Variants in PCNX1 observed in about 807,000 individuals in gnomAD.
PCNX1 encodes pecanex 1, also known as pecanex-like protein 1.
In PCNX1, 78 loss-of-function variants were observed where a neutral mutation model predicts 242.2. The observed-to-expected ratio is 0.32, with a 90% CI of 0.27 to 0.39. The LOEUF is 0.39. PCNX1 is among the 10% of genes least tolerant of loss of function. PCNX1 has a pLI of 1.00. For missense variants in PCNX1, 2,581 were observed against 2,856.5 expected (o/e 0.90, Z 2.20); for synonymous variants, 1,024 against 1,032.9 (o/e 0.99, Z 0.17).
chr14:70,944,885 GC>G (rs2057398035), intron 1 of PCNX1, among the ~76,000 whole-genome samples: 1 of 152,200 alleles, frequency 6.6e-6, no homozygotes, highest in South Asian at 2.1e-4. Context: ...CTCTCCTGCT[GC>G]CCTGTGAAGC....
At chr14:71,090,741 T>A (rs905375444) in intron 30 of PCNX1, among the ~76,000 whole-genome samples, 3 of 152,230 alleles carry the variant, frequency 2.0e-5, no homozygotes, top group Non-Finnish European at 4.4e-5. Flanking sequence ...CTCTTTCATA[T>A]AGCATAATTT....
chr14:71,003,239 G>A (rs914936016), intron 8 of PCNX1, among the ~76,000 whole-genome samples: 9 of 151,574 alleles, frequency 5.9e-5, no homozygotes, highest in African/African-American at 1.7e-4. Context: ...GCGTGCCACC[G>A]TGCCCAGCTA....
chr14:70,966,870 G>A (rs536676991), intron 3 of PCNX1, among the ~76,000 whole-genome samples: 4 of 152,100 alleles, frequency 2.6e-5, no homozygotes, highest in South Asian at 2.1e-4. Context: ...AACTTATGTA[G>A]CAGGTGTTGT....
At chr14:71,041,331 G>A in intron 19 of PCNX1, among the ~76,000 whole-genome samples, 1 of 151,988 alleles carries the variant, frequency 6.6e-6, no homozygotes, top group East Asian at 1.9e-4. Context: ...TCTGGTCCTG[G>A]GCTTTTCTTT....
Position 71,011,533 on chromosome 14 carries a change from T to A in PCNX1, c.2762T>A (p.Phe921Tyr), listed in dbSNP as rs2059821069. The A allele has an allele frequency of 6.4e-7, 1 of 1,560,426 alleles. No individual in the cohort carries two copies. Among genetic ancestry groups the A allele is most frequent in the South Asian group, 1.1e-5 (1 of 88,896 alleles). ...SHVSSSTSVR[F>Y]YPHDVLSLPQ... ...GTATCCAGTTCTACCTCAGTTCGAT[T>A]TTATCCACATGATGTGGTAGGTTTT... The change falls in exon 10 of 36, where the codon TTT (phenylalanine) becomes TAT (tyrosine). Residue 921 changes from phenylalanine (F) to tyrosine (Y), a missense_variant. Transcript: ENST00000304743.
rs1396282744 is a variant in PCNX1, at chr14:71,112,276, C to G, written c.*2341C>G. The G allele has an allele frequency of 6.6e-6, 1 of 151,996 alleles. No homozygotes were observed. Among genetic ancestry groups the G allele is most frequent in the Non-Finnish European group, 1.5e-5 (1 of 67,920 alleles). 9.4% of individuals were successfully genotyped at this position (151,996 alleles called of 1,614,324 possible). On this transcript the variant is annotated 3_prime_UTR_variant, in exon 36 of 36. Transcript: ENST00000304743. ...AAACACATCACATACTCTGAAAAGTCAGATTTCAAATGCAAGACTAGACTT... is the reference window on the plus strand; with the variant it reads ...AAACACATCACATACTCTGAAAAGTGAGATTTCAAATGCAAGACTAGACTT...
At chr14:70,948,601 GTATA>G (rs1332957068) in intron 2 of PCNX1, among the ~76,000 whole-genome samples, 1 of 141,824 alleles carries the variant, frequency 7.1e-6, no homozygotes, top group African/African-American at 2.5e-5. Context: ...ATAGATATGT[GTATA>G]TATAGATGTG....
intron 7 of PCNX1, 120 bp downstream of exon 7, chr14:70,988,819 C>G (rs2059073896): frequency 4.7e-6 from 6 of 1,283,424 alleles, no homozygotes; most frequent in African/African-American, 4.4e-5. Context: ...TGTTTCTTTC[C>G]TATACATTTA....
chr14:71,014,483 T>C (rs2059907318), intron 11 of PCNX1, among the ~76,000 whole-genome samples: 1 of 152,210 alleles, frequency 6.6e-6, no homozygotes, highest in Non-Finnish European at 1.5e-5. Context: ...AAAACAGTTA[T>C]AACTGCTTTC....
chr14:70,949,178 ATC>A (rs1377928362), intron 2 of PCNX1, among the ~76,000 whole-genome samples: 4 of 142,772 alleles, frequency 2.8e-5, no homozygotes, highest in East Asian at 4.4e-4. Flanking sequence ...ATGCTTATAC[ATC>A]TCAGCATTTA....
At chr14:71,082,277 A>T (rs1341088037) in intron 28 of PCNX1, among the ~76,000 whole-genome samples, 2 of 152,122 alleles carry the variant, frequency 1.3e-5, no homozygotes, top group South Asian at 4.1e-4. Context: ...TTTACTTCCA[A>T]TTATGTGGTC....
At chr14:70,933,809 T>C (rs2056894859) in intron 1 of PCNX1, among the ~76,000 whole-genome samples, 1 of 152,232 alleles carries the variant, frequency 6.6e-6, no homozygotes. Context: ...TCATAATCAC[T>C]AAGTATTAGA....
In PCNX1 at chr14:71,074,082, C is replaced by T. The variant is rs1429709958; in HGVS notation, c.5106+284C>T. Among the ~76,000 whole-genome samples the T allele has an allele frequency of 2.6e-5, 4 of 152,126 alleles. No individual in the cohort carries two copies. In the South Asian group the frequency reaches 6.2e-4, roughly 24 times the overall value. ...GCTAAGGAATATGTACACACAAATA[C>T]GCATACACACGTGTATCTTACTTAA... On this transcript the variant is annotated intron_variant, in intron 27 of 35. Coordinates refer to ENST00000304743, the MANE Select transcript of PCNX1 (RefSeq NM_014982.3).
chr14:70,985,101 A>G (rs1163484980), intron 6 of PCNX1, among the ~76,000 whole-genome samples: 2 of 152,240 alleles, frequency 1.3e-5, no homozygotes, highest in East Asian at 3.8e-4. Context: ...CATGAATTGA[A>G]CTTAGGCATT....
Position 70,951,563 on chromosome 14 carries a change from C to T in PCNX1, c.362+4440C>T, listed in dbSNP as rs142026249. ...CTAATTTTTGTATTTTTAGTAGAGACGGGGTTTCATCATGTTGGCCAGGCT... is the reference window on the plus strand; with the variant it reads ...CTAATTTTTGTATTTTTAGTAGAGATGGGGTTTCATCATGTTGGCCAGGCT... On this transcript the variant is annotated intron_variant, in intron 2 of 35. Transcript: ENST00000304743. 5.8e-3 allele frequency among the ~76,000 whole-genome samples: 882 copies of T among 152,034 alleles called. 13 individuals carry two copies. The highest frequency in any genetic ancestry group is 0.02 in the African/African-American group (823 of 41,482).
chr14:71,009,080 G>A (rs554251159), intron 8 of PCNX1, among the ~76,000 whole-genome samples: 1 of 152,082 alleles, frequency 6.6e-6, no homozygotes, highest in Admixed American at 6.5e-5. Flanking sequence ...CGCTCTTGTG[G>A]TAGAAACATA....
intron 24 of PCNX1, 29 bp downstream of exon 24, chr14:71,052,041 A>G: frequency 1.3e-6 from 2 of 1,560,462 alleles, no homozygotes; most frequent in Non-Finnish European, 1.7e-6. Context: ...TTGAAAAACA[A>G]TTTTTATCTT....
rs562406972 is a variant in PCNX1, at chr14:71,102,068, G to C, written c.5668G>C (p.Val1890Leu). The stretch of plus-strand genomic sequence containing the variant: ...CATAGTATCTCATGAGAAGAACCTC[G>C]TAATAGCCCATGAAGGGGACCCTGC... ...EAIVSHEKNL[V>L]IAHEGDPAWR... The change falls in exon 31 of 36, where the codon GTA (valine) becomes CTA (leucine). Residue 1890 changes from valine (V) to leucine (L), a missense_variant. Physicochemically the swap from Val to Leu is conservative, Grantham distance 32 (BLOSUM62 1). Coordinates refer to ENST00000304743, the MANE Select transcript of PCNX1 (RefSeq NM_014982.3). The C allele has an allele frequency of 1.2e-6, 2 of 1,613,690 alleles. No homozygotes were observed. Among genetic ancestry groups the C allele is most frequent in the Non-Finnish European group, 1.7e-6 (2 of 1,179,816 alleles).
At chr14:71,088,954 A>G (rs888295386) in intron 29 of PCNX1, among the ~76,000 whole-genome samples, 3 of 152,194 alleles carry the variant, frequency 2.0e-5, no homozygotes, top group Non-Finnish European at 4.4e-5. Flanking sequence ...TTTAACTTAT[A>G]GGCTCTTTGC....
Sources: allele counts gnomAD v4.1 joint callset (sites outside exome capture counted in the v4.1 genomes callset), GRCh38; gene constraint gnomAD v4.1.1; transcripts MANE v1.5; gene names NCBI Gene and HGNC (gene_info 2026-07-23, HGNC 2026-07-21).